Variants in DPYD observed in about 807,000 individuals in gnomAD.
DPYD encodes the protein dihydropyrimidine dehydrogenase, also known as dihydropyrimidine dehydrogenase [NADP(+)].
A neutral mutation model predicts 116.2 loss-of-function variants in DPYD; 109 were observed. The observed-to-expected ratio is 0.94, with a 90% CI of 0.80 to 1.10. The LOEUF is 1.10. DPYD is among the 50% of genes least tolerant of loss of function. The pLI is 0.00. For synonymous variants in DPYD, 440 were observed against 432.0 expected (o/e 1.02, Z -0.23); for missense variants, 1,302 against 1,254.5 (o/e 1.04, Z -0.57).
chr1:97,296,678 G>A (rs2101006365), intron 18 of DPYD, among the ~76,000 whole-genome samples: 1 of 152,018 alleles, frequency 6.6e-6, no homozygotes, highest in Non-Finnish European at 1.5e-5. Flanking sequence ...TTTTTAAAAT[G>A]TAAAAGTCCA....
At chr1:97,404,406 A>C (rs189240462) in intron 14 of DPYD, among the ~76,000 whole-genome samples, 96 of 152,184 alleles carry the variant, frequency 6.3e-4, no homozygotes, top group African/African-American at 2.2e-3. Flanking sequence ...CAACTATGCT[A>C]ATAGATGCAC....
At chr1:97,894,523 C>T (rs1436073871) in intron 1 of DPYD, among the ~76,000 whole-genome samples, 1 of 151,516 alleles carries the variant, frequency 6.6e-6, no homozygotes, top group Non-Finnish European at 1.5e-5. Context: ...TTTATTTTAT[C>T]AAGAAGAAAC....
intron 13 of DPYD, among the ~76,000 whole-genome samples, chr1:97,461,933 G>T (rs565238301): frequency 2.0e-4 from 31 of 152,288 alleles, no homozygotes; most frequent in Non-Finnish European, 4.0e-4. Flanking sequence ...GCACCAGTCT[G>T]TTTTGAGGAA....
chr1:97,802,110 G>A (rs1366861868), intron 3 of DPYD, among the ~76,000 whole-genome samples: 1 of 151,844 alleles, frequency 6.6e-6, no homozygotes, highest in Non-Finnish European at 1.5e-5. Context: ...AGGTATGACT[G>A]GGAGGTAAAG....
At chr1:97,255,665 G>T (rs1441401359) in intron 18 of DPYD, among the ~76,000 whole-genome samples, 1 of 151,136 alleles carries the variant, frequency 6.6e-6, no homozygotes, top group African/African-American at 2.4e-5. Context: ...TCAGCAATAT[G>T]AAAACAGACT....
At chr1:97,082,587 G>A in intron 21 of DPYD, 117 bp from the exon 22 acceptor site, 1 of 1,193,956 alleles carries the variant, frequency 8.4e-7, no homozygotes, top group Non-Finnish European at 1.2e-6. Flanking sequence ...TAACTTGGGA[G>A]ACTGGATAGT....
chr1:97,816,421 A>T lies in DPYD; in HGVS notation c.233+11693T>A, dbSNP rs78911944. On this transcript the variant is annotated intron_variant, in intron 3 of 22. Transcript: ENST00000370192. Reference sequence around the variant, plus strand: ...TAATTCTTTAGATAATTCCATGGGTATAAAACTTACAAAGGCATTAAAATA... The same window carrying T: ...TAATTCTTTAGATAATTCCATGGGTTTAAAACTTACAAAGGCATTAAAATA... Among the ~76,000 whole-genome samples, 5 of 152,320 alleles carry T rather than the reference A, an allele frequency of 3.3e-5. No homozygotes were observed. In the East Asian group the frequency reaches 9.6e-4, roughly 29 times the overall value.
intron 11 of DPYD, among the ~76,000 whole-genome samples, chr1:97,557,040 T>C (rs1319499387): frequency 1.3e-5 from 2 of 151,836 alleles, no homozygotes; most frequent in South Asian, 2.1e-4. Flanking sequence ...TTTTTAATGA[T>C]TGCCATTCTA....
chr1:97,323,313 T>C lies in DPYD; in HGVS notation c.2059-17016A>G, dbSNP rs1333686676. On this transcript the variant is annotated intron_variant, in intron 16 of 22. Transcript: ENST00000370192. ...ACATATGTGTATATGTACACGTATA[T>C]ATACATATGTGTATATGTACACGTA... Among the ~76,000 whole-genome samples the C allele has an allele frequency of 4.8e-5, 7 of 146,194 alleles. 1 individual carries two copies. In the East Asian group the frequency reaches 1.5e-3, roughly 31 times the overall value.
chr1:97,388,024 T>A (rs1672456144), intron 14 of DPYD, among the ~76,000 whole-genome samples: 2 of 152,034 alleles, frequency 1.3e-5, no homozygotes, highest in South Asian at 2.1e-4. Context: ...AAGCAAGGAG[T>A]CTGATTATGT....
At position 97,728,970 on chromosome 1, in the gene DPYD, G is replaced by A. The variant is rs578184301; in HGVS notation, c.322-7299C>T. 3.9e-5 allele frequency among the ~76,000 whole-genome samples: 6 copies of A among 152,062 alleles called. No homozygotes were observed. The East Asian group carries it at 1.2e-3, about 29-fold the overall frequency. On this transcript the variant is annotated intron_variant, in intron 4 of 22. Coordinates refer to ENST00000370192, the MANE Select transcript of DPYD (RefSeq NM_000110.4). The stretch of plus-strand genomic sequence containing the variant: ...CTCTCAGAAAAAAAAAATGGAGATA[G>A]AAGAATAGGTTTGACTAGCTTTATT...
intron 5 of DPYD, among the ~76,000 whole-genome samples, chr1:97,708,296 G>A (rs987111338): frequency 6.6e-6 from 1 of 151,962 alleles, no homozygotes; most frequent in Non-Finnish European, 1.5e-5. Flanking sequence ...TTTACATTGA[G>A]GTTTATGATC....
intron 18 of DPYD, among the ~76,000 whole-genome samples, chr1:97,303,491 AT>A (rs1666981489): frequency 2.6e-5 from 4 of 151,966 alleles, no homozygotes; most frequent in Admixed American, 1.3e-4. Context: ...ATTTAACACA[AT>A]TTTGCTAGGC....
intron 2 of DPYD, among the ~76,000 whole-genome samples, chr1:97,831,924 C>A (rs566382219): frequency 6.6e-6 from 1 of 151,944 alleles, no homozygotes; most frequent in African/African-American, 2.4e-5. Flanking sequence ...TAATGCCGAC[C>A]AGACATGCCA....
At chr1:97,257,431 A>G (rs1263319761) in intron 18 of DPYD, among the ~76,000 whole-genome samples, 3 of 121,360 alleles carry the variant, frequency 2.5e-5, no homozygotes, top group Non-Finnish European at 4.7e-5. Flanking sequence ...GTACATATAC[A>G]TACGTATATA....
intron 19 of DPYD, among the ~76,000 whole-genome samples, chr1:97,214,248 T>C (rs1172243779): frequency 2.0e-5 from 3 of 152,166 alleles, no homozygotes; most frequent in African/African-American, 7.2e-5. Context: ...TATGATATGG[T>C]AAAACTATTA....
intron 3 of DPYD, among the ~76,000 whole-genome samples, chr1:97,754,427 C>T (rs1665116851): frequency 6.6e-6 from 1 of 152,186 alleles, no homozygotes; most frequent in Admixed American, 6.5e-5. Context: ...ATTCCCTCCA[C>T]TATGCTCCTA....
chr1:97,693,105 A>G (rs1016866720), intron 6 of DPYD, among the ~76,000 whole-genome samples: 78 of 151,810 alleles, frequency 5.1e-4, no homozygotes, highest in Non-Finnish European at 6.9e-4. Context: ...CCTGGCTAAC[A>G]CGGTGAAACC....
At chr1:97,293,537 C>T (rs1666340298) in intron 18 of DPYD, among the ~76,000 whole-genome samples, 2 of 152,184 alleles carry the variant, frequency 1.3e-5, no homozygotes, top group African/African-American at 4.8e-5. Context: ...GTGAAAAGCT[C>T]CCAGCATCTG....
Sources: gnomAD v4.1 joint callset for allele counts (sites outside exome capture counted in the v4.1 genomes callset) on GRCh38, gnomAD v4.1.1 for gene constraint, MANE v1.5 for transcripts, NCBI Gene and HGNC (gene_info 2026-07-23, HGNC 2026-07-21) for gene names.